The following DCLK1 variants were observed in gnomAD, a reference collection of about 807,000 sequenced individuals.
DCLK1 encodes the protein doublecortin like kinase 1.
Under a neutral mutation model 86.2 loss-of-function variants are expected in DCLK1, and 16 were observed. The observed-to-expected ratio is 0.19, with a 90% CI of 0.13 to 0.28. The LOEUF is 0.28. Ranked by LOEUF, DCLK1 falls within the 10% of genes least tolerant of loss-of-function variation. DCLK1 has a pLI of 1.00. For synonymous variants in DCLK1, 369 were observed against 370.5 expected (o/e 1.00, Z 0.05); for missense variants, 590 against 940.2 (o/e 0.63, Z 4.87).
intron 4 of DCLK1, among the ~76,000 whole-genome samples, chr13:35,921,992 T>A (rs545407294): frequency 6.6e-6 from 1 of 152,304 alleles, no homozygotes; most frequent in South Asian, 2.1e-4. Context: ...GCCTACTACC[T>A]TAAGTGCTCC....
At chr13:36,062,641 C>T (rs1883593269) in intron 3 of DCLK1, among the ~76,000 whole-genome samples, 1 of 152,106 alleles carries the variant, frequency 6.6e-6, no homozygotes, top group African/African-American at 2.4e-5. Context: ...GGCTGCCTGA[C>T]ATAAAGATAT....
intron 8 of DCLK1, among the ~76,000 whole-genome samples, chr13:35,831,627 T>C (rs1183070345): frequency 6.6e-6 from 1 of 152,072 alleles, no homozygotes; most frequent in African/African-American, 2.4e-5. Flanking sequence ...GAATACTAGA[T>C]GACCTGACTG....
intron 12 of DCLK1, 147 bp downstream of exon 12, chr13:35,810,688 A>G: frequency 9.3e-7 from 1 of 1,074,902 alleles, no homozygotes; most frequent in South Asian, 2.1e-5. Context: ...TGTAAATGTT[A>G]AAGAATAAAA....
chr13:35,861,711 C>A (rs1046314232), intron 5 of DCLK1, among the ~76,000 whole-genome samples: 1 of 152,154 alleles, frequency 6.6e-6, no homozygotes, highest in South Asian at 2.1e-4. Flanking sequence ...TTCTTCCCTG[C>A]TTCTGCTGAT....
chr13:35,783,328 A>C (rs921861725), intron 16 of DCLK1, among the ~76,000 whole-genome samples: 18 of 150,266 alleles, frequency 1.2e-4, no homozygotes, highest in African/African-American at 4.4e-4. Flanking sequence ...TTTTTTTTTT[A>C]GTTTCTTCTT....
intron 5 of DCLK1, chr13:35,855,549 A>T: frequency 6.2e-7 from 1 of 1,601,978 alleles, no homozygotes; most frequent in Non-Finnish European, 8.5e-7. Context: ...TTAGTGTTGG[A>T]CCTGAATACC....
At chr13:35,967,174 G>C (rs1264156631) in intron 3 of DCLK1, among the ~76,000 whole-genome samples, 1 of 150,802 alleles carries the variant, frequency 6.6e-6, no homozygotes, top group Admixed American at 6.6e-5. Context: ...TGGGAGGTGA[G>C]GAGCGTCTCT....
At chr13:35,914,352 T>A (rs1239589899) in intron 4 of DCLK1, among the ~76,000 whole-genome samples, 5 of 15,168 alleles carry the variant, frequency 3.3e-4, no homozygotes, top group African/African-American at 1.2e-3. Context: ...TATATATACA[T>A]ATATATATAT....
intron 3 of DCLK1, among the ~76,000 whole-genome samples, chr13:35,999,072 C>T (rs889945360): frequency 1.2e-4 from 18 of 152,106 alleles, no homozygotes; most frequent in South Asian, 6.2e-4. Context: ...CTGGCCGACA[C>T]GGTGAAACCC....
chr13:36,004,314 G>A (rs948576707), intron 3 of DCLK1, among the ~76,000 whole-genome samples: 1 of 152,056 alleles, frequency 6.6e-6, no homozygotes, highest in Non-Finnish European at 1.5e-5. Flanking sequence ...AAACAAAAAA[G>A]TAACATGCAC....
chr13:36,002,144 G>C (rs1880749374), intron 3 of DCLK1, among the ~76,000 whole-genome samples: 1 of 152,160 alleles, frequency 6.6e-6, no homozygotes, highest in African/African-American at 2.4e-5. Context: ...GTGTAGGCAA[G>C]AATTGAAGCC....
In DCLK1 at chr13:35,770,817, A is replaced by ATTTT. The variant is rs921539884; in HGVS notation, c.*3714_*3717dup. 2 of 152,160 alleles carry ATTTT rather than the reference A, an allele frequency of 1.3e-5. No individual in the cohort carries two copies. The highest frequency in any genetic ancestry group is 2.9e-5 in the Non-Finnish European group (2 of 68,028). 9.4% of individuals were successfully genotyped at this position (152,160 alleles called of 1,614,324 possible). ...CACTATTAAGGAGGGACCATACCAG[A>ATTTT]TTTTTTTGTTGTTCTTTTCCTTGGA... is the stretch of plus-strand genomic sequence containing the variant. On this transcript the variant is annotated 3_prime_UTR_variant, in exon 17 of 17. Transcript: ENST00000360631.
Position 35,828,126 on chromosome 13 carries a change from T to C in DCLK1, c.1287+124A>G, listed in dbSNP as rs528228876. 45 of 754,160 alleles carry C rather than the reference T, an allele frequency of 6.0e-5. 2 individuals carry two copies. In the Middle Eastern group the frequency reaches 7.4e-4, roughly 12 times the overall value. 46.7% of individuals were successfully genotyped at this position (754,160 alleles called of 1,614,324 possible). Reference sequence around the variant, plus strand: ...ACATAAAGTTATATTCTAGTAAGTGTATAACATTCTATTCCACCAAAATTC... The same window carrying C: ...ACATAAAGTTATATTCTAGTAAGTGCATAACATTCTATTCCACCAAAATTC... On this transcript the variant is annotated intron_variant, in intron 9 of 16. Coordinates refer to ENST00000360631, the MANE Select transcript of DCLK1 (RefSeq NM_001330071.2).
intron 3 of DCLK1, among the ~76,000 whole-genome samples, chr13:36,085,833 C>A (rs1035663169): frequency 6.6e-6 from 1 of 152,160 alleles, no homozygotes; most frequent in African/African-American, 2.4e-5. Context: ...TCCTGAAGCT[C>A]TCCCTTCACC....
chr13:35,853,367 G>C (rs1870795940), intron 6 of DCLK1, among the ~76,000 whole-genome samples: 1 of 152,154 alleles, frequency 6.6e-6, no homozygotes, highest in Admixed American at 6.5e-5. Context: ...CAAATCCCAG[G>C]CTTCATCAAA....
chr13:35,949,338 A>G (rs1195307614), intron 3 of DCLK1, among the ~76,000 whole-genome samples: 1 of 152,232 alleles, frequency 6.6e-6, no homozygotes, highest in Non-Finnish European at 1.5e-5. Flanking sequence ...TTTCTCACAC[A>G]GCATCATGCA....
intron 4 of DCLK1, among the ~76,000 whole-genome samples, chr13:35,890,880 G>GTTTTTTTTTTTCTGT (rs58356852): frequency 6.9e-6 from 1 of 145,250 alleles, no homozygotes; most frequent in East Asian, 2.0e-4. Context: ...TTTTTTTTCT[G>GTTTTTTTTTTTCTGT]TTTTTTTTTT....
chr13:36,070,713 C>T (rs1883944360), intron 3 of DCLK1, among the ~76,000 whole-genome samples: 1 of 152,034 alleles, frequency 6.6e-6, no homozygotes, highest in Non-Finnish European at 1.5e-5. Context: ...GCAATCTCGG[C>T]TCACTGCAAC....
intron 3 of DCLK1, among the ~76,000 whole-genome samples, chr13:36,058,851 C>T (rs1007343277): frequency 1.2e-4 from 19 of 152,138 alleles, no homozygotes; most frequent in African/African-American, 2.7e-4. Flanking sequence ...TAATTCAGAG[C>T]TGGAACTCCC....
Sources: gnomAD v4.1 joint callset for allele counts (sites outside exome capture counted in the v4.1 genomes callset) on GRCh38, gnomAD v4.1.1 for gene constraint, MANE v1.5 for transcripts, NCBI Gene and HGNC (gene_info 2026-07-23, HGNC 2026-07-21) for gene names.